The following CSNK1D variants were observed in gnomAD, a reference collection of about 807,000 sequenced individuals.
CSNK1D encodes casein kinase I isoform delta.
A neutral mutation model predicts 46.6 loss-of-function variants in CSNK1D; 16 were observed. The observed-to-expected ratio is 0.34, with a 90% CI of 0.23 to 0.52. The LOEUF (loss-of-function observed/expected upper bound fraction) is 0.52. Ranked by LOEUF, CSNK1D falls within the 20% of genes least tolerant of loss-of-function variation. The pLI, the probability that CSNK1D is intolerant of heterozygous loss-of-function variation, is 0.95. For synonymous variants in CSNK1D, 276 were observed against 228.2 expected, an observed-to-expected ratio of 1.21 and a Z score of -1.89; for missense variants, 398 against 578.4, an observed-to-expected ratio of 0.69 and a Z score of 3.20.
Position 82,255,397 on chromosome 17 carries a change from G to A in CSNK1D, c.336+32C>T. On this transcript the variant is annotated intron_variant, in intron 3 of 8. Transcript: ENST00000314028. This position sits in a 1 kb window ranked among gnomAD's most constrained non-coding sequence, Gnocchi z 5.9. The stretch of plus-strand genomic sequence containing the variant: ...AGTGGCTGATTCTATCAGACAGCAA[G>A]TGTGTGCCAACTGTCAGGAAACAGT... 3.1e-6 allele frequency: 5 copies of A among 1,613,444 alleles called. No homozygotes were observed. Among genetic ancestry groups the A allele is most frequent in the Non-Finnish European group, 4.2e-6 (5 of 1,179,388 alleles).
At position 82,253,079 on chromosome 17, in the gene CSNK1D, G is replaced by A; in HGVS notation, c.502C>T (p.Arg168Cys). Residue 168 changes from arginine to cysteine, a missense_variant, in exon 4 of 9, where the codon CGT (arginine) becomes TGT (cysteine). Physicochemically the swap from Arg to Cys is radical, Grantham distance 180. Transcript: ENST00000314028. ...GTCCCCGTGAGGTTCTTGTTCTCACGATAGGGGATGTGCTGGTGGGTGCGT... is the reference window on the plus strand; with the variant it reads ...GTCCCCGTGAGGTTCTTGTTCTCACAATAGGGGATGTGCTGGTGGGTGCGT... ...DARTHQHIPY[R>C]ENKNLTGTAR... 6.2e-7 allele frequency: 1 copy of A among 1,614,200 alleles called. No individual in the cohort carries two copies. Among genetic ancestry groups the A allele is most frequent in the Non-Finnish European group, 8.5e-7 (1 of 1,180,032 alleles).
chr17:82,264,527 C>T (rs776517005), intron 2 of CSNK1D, among the ~76,000 whole-genome samples: 5 of 152,170 alleles, frequency 3.3e-5, no homozygotes, highest in Non-Finnish European at 4.4e-5. Context: ...GCTGAGGGCT[C>T]GCAGAACTGG....
chr17:82,248,386 AAAG>A lies in CSNK1D; in HGVS notation c.1197+486_1197+488del, dbSNP rs2050904857. The stretch of plus-strand genomic sequence containing the variant: ...CAAGGGAAGACAGGTGAGGCCGTCA[AAAG>A]AAGGAAAGCCTCGTTGCAGGGCATG... On this transcript the variant is annotated intron_variant, in intron 8 of 8. Transcript: ENST00000314028. The surrounding 1 kb of genome is among the most constrained non-coding windows in gnomAD (Gnocchi z 4.1). 1.0e-6 allele frequency: 1 copy of A among 1,000,952 alleles called. No homozygotes were observed. Among genetic ancestry groups the A allele is most frequent in the South Asian group, 4.1e-5 (1 of 24,126 alleles). The allele number at this position is 1,000,952 out of a possible 1,614,324, so 62.0% of individuals were successfully genotyped here.
Position 82,251,424 on chromosome 17 carries a change from C to T in CSNK1D, c.840G>A (p.Gln280=), listed in dbSNP as rs1463615956. The T allele has an allele frequency of 6.2e-7, 1 of 1,614,164 alleles. No individual in the cohort carries two copies. Among genetic ancestry groups the T allele is most frequent in the East Asian group, 2.2e-5 (1 of 44,884 alleles). The change falls in exon 6 of 9, where the codon CAG becomes CAA. Residue 280 remains glutamine, a synonymous_variant. Transcript: ENST00000314028. This position sits in a 1 kb window ranked among gnomAD's most constrained non-coding sequence, Gnocchi z 4.5. ...CGAACACGTAGTCATAGGAGAAGCC[C>T]TGGCGATGGAACAGATTCCGGAAAA... is the stretch of plus-strand genomic sequence containing the variant. ...RQLFRNLFHR[Q]GFSYDYVFDW...
chr17:82,255,507 C>A lies in CSNK1D; in HGVS notation c.258G>T (p.Gly86=). The A allele has an allele frequency of 6.2e-7, 1 of 1,614,166 alleles. No homozygotes were observed. Among genetic ancestry groups the A allele is most frequent in the South Asian group, 1.1e-5 (1 of 91,084 alleles). ...DYNVMVMELL[G]PSLEDLFNFC... is the part of the protein sequence containing the mutation. ...AGTTGAAGAGGTCCTCCAGGCTTGG[C>A]CCCAGCAGCTCCATCACCATGACGT... The change falls in exon 3 of 9, where the codon GGG becomes GGT. Residue 86 remains glycine, a synonymous_variant. Transcript: ENST00000314028. This position sits in a 1 kb window ranked among gnomAD's most constrained non-coding sequence, Gnocchi z 5.9.
chr17:82,240,921 G>T (rs905176692), downstream of CSNK1D, among the ~76,000 whole-genome samples: 1 of 152,184 alleles, frequency 6.6e-6, no homozygotes, highest in African/African-American at 2.4e-5. Flanking sequence ...GCTCTGACCC[G>T]ACAGGCAGGA....
chr17:82,246,819 C>A, intron 8 of CSNK1D: 1 of 986,342 alleles, frequency 1.0e-6, no homozygotes, highest in Non-Finnish European at 1.2e-6. Context: ...AGCGACGGCC[C>A]GAGGAGGAAG....
Position 82,265,683 on chromosome 17 carries a change from T to C in CSNK1D, c.187+3A>G. 1.2e-6 allele frequency: 2 copies of C among 1,610,090 alleles called. No individual in the cohort carries two copies. The highest frequency in any genetic ancestry group is 1.7e-6 in the Non-Finnish European group (2 of 1,176,344). ...TGTTGCTCTGTGACTGGTAAAGACC[T>C]ACCTCCTCCCTGCATCATCTTGTAG... is the stretch of plus-strand genomic sequence containing the variant. On this transcript the variant is annotated splice_donor_region_variant and intron_variant, in intron 2 of 8. Coordinates refer to ENST00000314028, the MANE Select transcript of CSNK1D (RefSeq NM_001893.6).
chr17:82,240,792 A>G (rs1339716079), downstream of CSNK1D, among the ~76,000 whole-genome samples: 1 of 152,184 alleles, frequency 6.6e-6, no homozygotes, highest in East Asian at 1.9e-4. Context: ...TTGGGGGCAC[A>G]GGACGTGTGG....
At chr17:82,258,724 C>G (rs563000157) in intron 2 of CSNK1D, among the ~76,000 whole-genome samples, 2 of 152,176 alleles carry the variant, frequency 1.3e-5, no homozygotes, top group Non-Finnish European at 2.9e-5. Flanking sequence ...CCAGATTCAC[C>G]TTCTTTCTTT....
intron 2 of CSNK1D, 133 bp downstream of exon 2, chr17:82,265,553 C>T: frequency 1.4e-6 from 1 of 739,778 alleles, no homozygotes; most frequent in Non-Finnish European, 2.4e-6. Context: ...ACTGCTTTGT[C>T]AGGGTGTGGA....
chr17:82,268,038 CTGTGCAAGCACACAGA>C (rs963299230), intron 1 of CSNK1D, among the ~76,000 whole-genome samples: 15 of 152,264 alleles, frequency 9.9e-5, no homozygotes, highest in African/African-American at 1.9e-4. Context: ...GGACCTCTCG[CTGTGCAAGCACACAGA>C]TGTGCAAGCA....
At chr17:82,259,249 CAATTA>C (rs2051263550) in intron 2 of CSNK1D, among the ~76,000 whole-genome samples, 1 of 152,154 alleles carries the variant, frequency 6.6e-6, no homozygotes, top group South Asian at 2.1e-4. Flanking sequence ...ATTTTGTAAC[CAATTA>C]AATTGTTGGT....
chr17:82,251,032 G>C lies in CSNK1D; in HGVS notation c.885+347C>G, dbSNP rs531193116. ...CATCTCGTGGGCACCACGACCATGT[G>C]GCACAGCGAATGGGAATGCGCACCC... On this transcript the variant is annotated intron_variant, in intron 6 of 8. Transcript: ENST00000314028. The surrounding 1 kb of genome is among the most constrained non-coding windows in gnomAD (Gnocchi z 4.5). The C allele has an allele frequency of 2.8e-6, 1 of 361,896 alleles. No individual in the cohort carries two copies. The highest frequency in any genetic ancestry group is 2.3e-5 in the South Asian group (1 of 43,896). The allele number at this position is 361,896 out of a possible 1,614,324, so 22.4% of individuals were successfully genotyped here.
At chr17:82,270,246 G>A (rs2051584492) in intron 1 of CSNK1D, among the ~76,000 whole-genome samples, 1 of 152,182 alleles carries the variant, frequency 6.6e-6, no homozygotes, top group African/African-American at 2.4e-5. Context: ...GCCCTGCAGT[G>A]AGCACCCGCC....
intron 3 of CSNK1D, chr17:82,254,740 C>T: frequency 5.4e-6 from 1 of 185,882 alleles, no homozygotes; most frequent in Non-Finnish European, 9.6e-6. Flanking sequence ...GTGAGCTGAG[C>T]CGCCGGAGCC....
Position 82,249,410 on chromosome 17 carries a change from C to T in CSNK1D, c.1057+21G>A, listed in dbSNP as rs778150792. 1.2e-5 allele frequency: 18 copies of T among 1,533,102 alleles called. No homozygotes were observed. Among genetic ancestry groups the T allele is most frequent in the African/African-American group, 6.8e-5 (5 of 73,086 alleles). 95.0% of individuals were successfully genotyped at this position (1,533,102 alleles called of 1,614,324 possible). ...AGTCACCCCAGAGCCAGCCCCAGAG[C>T]GCTGGGAGGGGGGCACTCACCCGTG... is the stretch of plus-strand genomic sequence containing the variant. On this transcript the variant is annotated intron_variant, in intron 7 of 8. Transcript: ENST00000314028. The surrounding 1 kb of genome is among the most constrained non-coding windows in gnomAD (Gnocchi z 6.7).
intron 2 of CSNK1D, among the ~76,000 whole-genome samples, chr17:82,263,872 G>A (rs949155848): frequency 6.6e-6 from 1 of 152,202 alleles, no homozygotes; most frequent in Non-Finnish European, 1.5e-5. Flanking sequence ...CACCACCAAG[G>A]GCCGCCAGAC....
At position 82,248,321 on chromosome 17, in the gene CSNK1D, C is replaced by T. The variant is rs2050902967; in HGVS notation, c.1197+554G>A. The T allele has an allele frequency of 6.0e-5, 59 of 989,924 alleles. No homozygotes were observed. The highest frequency in any genetic ancestry group is 6.6e-5 in the Non-Finnish European group (55 of 832,466). The allele number at this position is 989,924 out of a possible 1,614,324, so 61.3% of individuals were successfully genotyped here. ...TGCAGGATGCTGAAGAGGCGGTGGC[C>T]GTGGCTAGGCCTGGGCTGCGCAACA... On this transcript the variant is annotated intron_variant, in intron 8 of 8. Coordinates refer to ENST00000314028, the MANE Select transcript of CSNK1D (RefSeq NM_001893.6). The surrounding 1 kb of genome is among the most constrained non-coding windows in gnomAD (Gnocchi z 4.1).
Sources: gnomAD v4.1 joint callset for allele counts (sites outside exome capture counted in the v4.1 genomes callset) on GRCh38, gnomAD v4.1.1 for gene constraint, Gnocchi (gnomAD v3.1) non-coding constraint, MANE v1.5 for transcripts, NCBI Gene and HGNC (gene_info 2026-07-23, HGNC 2026-07-21) for gene names.